TFAP2E: variants seen among roughly 807,000 people sequenced by gnomAD.
TFAP2E encodes the protein transcription factor AP-2-epsilon.
In TFAP2E, 30 loss-of-function variants were observed where a neutral mutation model predicts 37.9. The ratio of observed to expected loss-of-function variants is 0.79; its 90% CI spans 0.59 to 1.07. The LOEUF is 1.07. TFAP2E is among the 50% of genes least tolerant of loss of function. The pLI, the probability that TFAP2E is intolerant of heterozygous loss-of-function variation, is 0.00. For synonymous variants in TFAP2E, 318 were observed against 295.8 expected (o/e 1.08, Z -0.77); for missense variants, 567 against 637.9 (o/e 0.89, Z 1.20).
rs1649064399 is a variant in TFAP2E at position 35,573,342 on chromosome 1, C to G, written c.-236C>G. ...GGAGGAAGGGCGGGCGCTGGGCACCCGTTGACCGACTTTTCCAAGTGCGAT... is the reference window on the plus strand; with the variant it reads ...GGAGGAAGGGCGGGCGCTGGGCACCGGTTGACCGACTTTTCCAAGTGCGAT... On this transcript the variant is annotated 5_prime_UTR_variant, in exon 1 of 7. Transcript: ENST00000373235. The surrounding 1 kb of genome is among the most constrained non-coding windows in gnomAD (Gnocchi z 5.9). 1.1e-5 allele frequency: 5 copies of G among 460,262 alleles called. No homozygotes were observed. The highest frequency in any genetic ancestry group is 3.7e-5 in the East Asian group (1 of 27,376). The allele number at this position is 460,262 out of a possible 1,614,324, so 28.5% of individuals were successfully genotyped here. A position where few individuals can be genotyped will look rare whatever the true frequency, so the allele number is the denominator to read the frequency against.
intron 3 of TFAP2E, among the ~76,000 whole-genome samples, chr1:35,583,559 C>T (rs1649407333): frequency 6.6e-6 from 1 of 151,268 alleles, no homozygotes; most frequent in Admixed American, 6.6e-5. Context: ...GACAGAGTGC[C>T]TTGTCTGACA....
At chr1:35,593,976 A>C (rs907901628) in intron 6 of TFAP2E, among the ~76,000 whole-genome samples, 6 of 152,190 alleles carry the variant, frequency 3.9e-5, no homozygotes, top group African/African-American at 1.4e-4. Context: ...CTTCAATTAT[A>C]TTCACTGCTA....
chr1:35,574,428 GGGATGGGTCGGGACTGGCCGC>G lies in TFAP2E; in HGVS notation c.510+22_510+42del, dbSNP rs1416758599. On this transcript the variant is annotated intron_variant, in intron 2 of 6. Coordinates refer to ENST00000373235, the MANE Select transcript of TFAP2E (RefSeq NM_178548.4). Reference sequence around the variant, plus strand: ...CCTGCAGGTGAGACCCGAGGGATCCGGGATGGGTCGGGACTGGCCGCGGTGGTTTACTACCATGGCTGGAGG... The same window carrying G: ...CCTGCAGGTGAGACCCGAGGGATCCGGGTGGTTTACTACCATGGCTGGAGG... 5.7e-6 allele frequency: 8 copies of G among 1,391,444 alleles called. No individual in the cohort carries two copies. The African/African-American group carries it at 7.5e-5, about 13-fold the overall frequency. The allele number at this position is 1,391,444 out of a possible 1,614,324, so 86.2% of individuals were successfully genotyped here.
chr1:35,589,856 T>C, intron 4 of TFAP2E, 74 bp from the exon 5 acceptor site: 12 of 1,517,686 alleles, frequency 7.9e-6, no homozygotes, highest in South Asian at 1.1e-5. Context: ...CAAGGCCCTT[T>C]GGCAGCCACT....
chr1:35,592,506 T>C (rs1452274975), intron 6 of TFAP2E, among the ~76,000 whole-genome samples: 1 of 152,110 alleles, frequency 6.6e-6, no homozygotes, highest in Non-Finnish European at 1.5e-5. Flanking sequence ...CAAGCAATTC[T>C]CCTGCCTCAG....
intron 3 of TFAP2E, among the ~76,000 whole-genome samples, chr1:35,586,119 A>G (rs1649473580): frequency 1.3e-5 from 2 of 152,180 alleles, no homozygotes; most frequent in Non-Finnish European, 1.5e-5. Context: ...TCTCTTGGTC[A>G]GCTTGGGTCT....
intron 2 of TFAP2E, 150 bp downstream of exon 2, chr1:35,574,559 G>C (rs933126929): frequency 7.7e-7 from 1 of 1,302,936 alleles, no homozygotes; most frequent in Non-Finnish European, 1.0e-6. Context: ...CCCACCTCCT[G>C]GGTTAGACGT....
At chr1:35,591,536 C>T (rs184894804) in intron 6 of TFAP2E, among the ~76,000 whole-genome samples, 12 of 152,176 alleles carry the variant, frequency 7.9e-5, no homozygotes, top group African/African-American at 2.7e-4. Context: ...GGACCTTCAC[C>T]CCAGAGCGTC....
intron 3 of TFAP2E, among the ~76,000 whole-genome samples, chr1:35,582,955 T>G (rs1434738864): frequency 6.6e-6 from 1 of 151,988 alleles, no homozygotes; most frequent in African/African-American, 2.4e-5. Flanking sequence ...CAGGCTGGAG[T>G]GCAGTGGCGC....
chr1:35,588,500 CT>C lies in TFAP2E; in HGVS notation c.734del (p.Leu245ProfsTer32). 1 of 1,606,816 alleles carries C rather than the reference CT, an allele frequency of 6.2e-7. No homozygotes were observed. Among genetic ancestry groups the C allele is most frequent in the Non-Finnish European group, 8.5e-7 (1 of 1,177,638 alleles). On this transcript the variant is annotated frameshift_variant, in exon 4 of 7. Transcript: ENST00000373235. LOFTEE classifies it high-confidence loss of function. The surrounding 1 kb of genome is among the most constrained non-coding windows in gnomAD (Gnocchi z 5.1). The stretch of plus-strand genomic sequence containing the variant: ...GACGGTGGGGGAGGTGCAGCGGCGA[CT>C]CTCGCCTCCCGAGTGCCTCAACGCC... ...KVTVGEVQRR[L>X]SPPECLNASL...
At chr1:35,584,148 C>CTGGA (rs1571103734) in intron 3 of TFAP2E, among the ~76,000 whole-genome samples, 1 of 152,176 alleles carries the variant, frequency 6.6e-6, no homozygotes, top group African/African-American at 2.4e-5. Flanking sequence ...GTCGTCCAGG[C>CTGGA]TGGAGTGCAG....
Position 35,573,822 on chromosome 1 carries a change from C to T in TFAP2E, c.28-105C>T. ...GAAATAAACCTCGGGCCCCAAGAAA[C>T]GGGAGGGACTGCAGCTGAACCCTCC... On this transcript the variant is annotated intron_variant, in intron 1 of 6. Transcript: ENST00000373235. The surrounding 1 kb of genome is among the most constrained non-coding windows in gnomAD (Gnocchi z 5.9). 2 of 1,381,370 alleles carry T rather than the reference C, an allele frequency of 1.4e-6. No homozygotes were observed. The highest frequency in any genetic ancestry group is 1.9e-6 in the Non-Finnish European group (2 of 1,067,148). The allele number at this position is 1,381,370 out of a possible 1,614,324, so 85.6% of individuals were successfully genotyped here. A position where few individuals can be genotyped will look rare whatever the true frequency, so the allele number is the denominator to read the frequency against.
chr1:35,579,079 C>CAA lies in TFAP2E; in HGVS notation c.562+4108_562+4109dup, dbSNP rs578084271. ...CCTGGACAACAGAGGGAGACTATCT[C>CAA]AAAAAAAAAAAAAAAAAAAAAAAAA... is the stretch of plus-strand genomic sequence containing the variant. On this transcript the variant is annotated intron_variant, in intron 3 of 6. Coordinates refer to ENST00000373235, the MANE Select transcript of TFAP2E (RefSeq NM_178548.4). 8.1e-3 allele frequency among the ~76,000 whole-genome samples: 137 copies of CAA among 16,848 alleles called. 5 individuals are homozygous for CAA. The highest frequency in any genetic ancestry group is 0.016 in the Non-Finnish European group (104 of 6,444). 11.1% of individuals were successfully genotyped at this position (16,848 alleles called of 152,430 possible).
rs947683008 is a variant in TFAP2E at position 35,574,997 on chromosome 1, A to G, written c.559A>G (p.Lys187Glu). The change falls in exon 3 of 7, where the codon AAA becomes GAA. Residue 187 changes from lysine (K) to glutamate (E), a missense_variant. Coordinates refer to ENST00000373235, the MANE Select transcript of TFAP2E (RefSeq NM_178548.4). Reference protein sequence around the residue: ...MSLLDQSVIKKVPIPSKASSL... With the variant: ...MSLLDQSVIKEVPIPSKASSL... The stretch of plus-strand genomic sequence containing the variant: ...CCTCCTAGACCAGTCCGTGATCAAG[A>G]AAGGTAAGGAATGGTCTGTCAGGGC... The G allele has an allele frequency of 3.1e-6, 5 of 1,613,958 alleles. No individual in the cohort carries two copies. The highest frequency in any genetic ancestry group is 4.2e-6 in the Non-Finnish European group (5 of 1,179,996).
chr1:35,594,932 G>A lies in TFAP2E; in HGVS notation c.*256G>A. Reference sequence around the variant, plus strand: ...TTCTGACCTTTGATGGTTGAGAAGGGTTTGGACAGAAAATTGACATGAAAA... The same window carrying A: ...TTCTGACCTTTGATGGTTGAGAAGGATTTGGACAGAAAATTGACATGAAAA... On this transcript the variant is annotated 3_prime_UTR_variant, in exon 7 of 7. Transcript: ENST00000373235. 1 of 543,694 alleles carries A rather than the reference G, an allele frequency of 1.8e-6. No individual in the cohort carries two copies. Among genetic ancestry groups the A allele is most frequent in the East Asian group, 3.2e-5 (1 of 30,948 alleles). The allele number at this position is 543,694 out of a possible 1,614,324, so 33.7% of individuals were successfully genotyped here.
rs752097031 is a variant in TFAP2E, at chr1:35,590,686, C to T, written c.957C>T (p.Phe319=). The part of the protein sequence containing the change: ...RDFGYVCETE[F]PAKAAAEYLC... ...TCGGTTACGTCTGTGAGACGGAGTT[C>T]CCAGCCAAGGCAGCTGCCGAGTACC... Residue 319 remains phenylalanine (F), a synonymous_variant, in exon 6 of 7, where the codon TTC becomes TTT. Coordinates refer to ENST00000373235, the MANE Select transcript of TFAP2E (RefSeq NM_178548.4). The surrounding 1 kb of genome is among the most constrained non-coding windows in gnomAD (Gnocchi z 6.2). 5 of 1,557,022 alleles carry T rather than the reference C, an allele frequency of 3.2e-6. No individual in the cohort carries two copies. The highest frequency in any genetic ancestry group is 4.4e-6 in the Non-Finnish European group (5 of 1,142,400).
intron 4 of TFAP2E, 94 bp from the exon 5 acceptor site, chr1:35,589,836 G>T: frequency 7.7e-7 from 1 of 1,299,440 alleles, no homozygotes; most frequent in Non-Finnish European, 1.1e-6. Flanking sequence ...ACAGGGGCTG[G>T]TGGAGGCAAC....
At chr1:35,583,641 T>TGTGTGTGA (rs779886480) in intron 3 of TFAP2E, among the ~76,000 whole-genome samples, 50 of 150,034 alleles carry the variant, frequency 3.3e-4, no homozygotes, top group Non-Finnish European at 4.6e-4. Flanking sequence ...TGTGTGTGTG[T>TGTGTGTGA]GAATGGCTTC....
intron 3 of TFAP2E, among the ~76,000 whole-genome samples, chr1:35,575,279 C>G (rs191019178): frequency 9.3e-4 from 141 of 152,338 alleles, no homozygotes; most frequent in Non-Finnish European, 1.8e-3. Context: ...TCTTGTGGAT[C>G]TGGAGTTGAT....
Sources: allele counts gnomAD v4.1 joint callset (sites outside exome capture counted in the v4.1 genomes callset), GRCh38; gene constraint gnomAD v4.1.1; non-coding constraint Gnocchi (gnomAD v3.1); transcripts MANE v1.5; gene names NCBI Gene and HGNC (gene_info 2026-07-23, HGNC 2026-07-21).